The following SCP2 variants were observed in gnomAD, a reference collection of about 807,000 sequenced individuals.
SCP2 encodes SCP-2/3-oxoacyl-CoA thiolase.
Under a neutral mutation model 71.4 loss-of-function variants are expected in SCP2, and 48 were observed. The ratio of observed to expected loss-of-function variants is 0.67; its 90% confidence interval spans 0.53 to 0.86. SCP2 has a LOEUF of 0.86. Ranked by LOEUF, SCP2 falls within the 40% of genes least tolerant of loss-of-function variation. The pLI is 0.00. For missense variants in SCP2, 560 were observed against 655.6 expected (o/e 0.85, Z 1.59); for synonymous variants, 220 against 218.1 (o/e 1.01, Z -0.08).
chr1:53,021,118 C>T (rs1356509789), intron 12 of SCP2, among the ~76,000 whole-genome samples: 1 of 151,910 alleles, frequency 6.6e-6, no homozygotes, highest in East Asian at 1.9e-4. Flanking sequence ...ATAATCTTCC[C>T]ACCTCAGCCT....
chr1:52,950,910 C>T, intron 4 of SCP2, 24 bp downstream of exon 4: 3 of 1,608,724 alleles, frequency 1.9e-6, no homozygotes, highest in Non-Finnish European at 2.6e-6. Context: ...GTCTAGTGTA[C>T]TTAAATATTG....
intron 14 of SCP2, among the ~76,000 whole-genome samples, chr1:53,043,962 G>C (rs761490688): frequency 2.0e-5 from 3 of 152,094 alleles, no homozygotes; most frequent in Non-Finnish European, 4.4e-5. Flanking sequence ...CTTTTTAGGG[G>C]CGATCCCTGA....
rs1335859176 is a variant in SCP2, at chr1:53,051,437, G to A, written c.*733G>A. On this transcript the variant is annotated 3_prime_UTR_variant, in exon 16 of 16. Coordinates refer to ENST00000371514, the MANE Select transcript of SCP2 (RefSeq NM_002979.5). ...TTATAATCTCATTTCAATTTATAAC[G>A]TTCTCAGTCCTTTGTTATAATTTTC... is the stretch of plus-strand genomic sequence containing the variant. 3.9e-5 allele frequency: 6 copies of A among 152,020 alleles called. No homozygotes were observed. The highest frequency in any genetic ancestry group is 7.2e-5 in the African/African-American group (3 of 41,388). 9.4% of individuals were successfully genotyped at this position (152,020 alleles called of 1,614,324 possible). A position where few individuals can be genotyped will look rare whatever the true frequency, so the allele number is the denominator to read the frequency against.
intron 11 of SCP2, among the ~76,000 whole-genome samples, chr1:53,003,359 C>A (rs1429800314): frequency 1.3e-5 from 2 of 152,314 alleles, no homozygotes; most frequent in East Asian, 3.9e-4. Context: ...GTTGGGACTG[C>A]AGGCACGCAC....
At chr1:53,009,275 A>T (rs1019965767) in intron 11 of SCP2, among the ~76,000 whole-genome samples, 1 of 152,200 alleles carries the variant, frequency 6.6e-6, no homozygotes, top group African/African-American at 2.4e-5. Flanking sequence ...GGAAAAAACT[A>T]CTTTAAAGTT....
At chr1:53,021,608 C>T (rs1440766220) in intron 12 of SCP2, among the ~76,000 whole-genome samples, 1 of 151,104 alleles carries the variant, frequency 6.6e-6, no homozygotes, top group African/African-American at 2.4e-5. Flanking sequence ...GCATGAGCCA[C>T]CGAGCTCGGG....
Position 52,980,455 on chromosome 1 carries a change from A to G in SCP2, c.885A>G (p.Thr295=), listed in dbSNP as rs1233332262. ...AATGCTATGAGAAATCTGGCCTGAC[A>G]CCAAATGATATTGACGTAATAGAAC... ...ARKCYEKSGL[T]PNDIDVIELH... The change falls in exon 10 of 16, where the codon ACA becomes ACG. Residue 295 remains threonine (T), a synonymous_variant. Transcript: ENST00000371514. The G allele has an allele frequency of 2.5e-6, 4 of 1,614,054 alleles. No individual in the cohort carries two copies. The highest frequency in any genetic ancestry group is 1.1e-5 in the South Asian group (1 of 91,084).
intron 4 of SCP2, among the ~76,000 whole-genome samples, chr1:52,954,100 C>T (rs904931559): frequency 6.6e-6 from 1 of 151,810 alleles, no homozygotes; most frequent in Non-Finnish European, 1.5e-5. Context: ...CGCTTGAGCC[C>T]AGGAGTTCAA....
chr1:53,010,162 A>C (rs1660890753), intron 11 of SCP2, among the ~76,000 whole-genome samples: 1 of 152,218 alleles, frequency 6.6e-6, no homozygotes, highest in African/African-American at 2.4e-5. Context: ...AACTAGGAAC[A>C]CTTTTACACT....
At chr1:52,943,723 C>T (rs892173663) in intron 2 of SCP2, 47 of 456,306 alleles carry the variant, frequency 1.0e-4, no homozygotes, top group South Asian at 5.1e-5. Context: ...TTTGTTGCAC[C>T]AGACGCTGGA....
At chr1:52,992,982 A>G (rs1161282479) in intron 11 of SCP2, among the ~76,000 whole-genome samples, 1 of 152,222 alleles carries the variant, frequency 6.6e-6, no homozygotes, top group East Asian at 1.9e-4. Flanking sequence ...AAGGAATCAG[A>G]TAATCTTTGA....
Position 53,015,038 on chromosome 1 carries a change from C to T in SCP2, c.1230C>T (p.Ala410=), listed in dbSNP as rs565333584. The stretch of plus-strand genomic sequence containing the variant: ...TCTACAAGATGGGTTTTCCGGAAGC[C>T]GCCAGGTGAGTGACATTCAGAGTTT... ...VTLYKMGFPE[A]ASSFRTHQIE... is the part of the protein sequence containing the mutation. The change falls in exon 12 of 16, where the codon GCC becomes GCT. Residue 410 remains alanine (A), a synonymous_variant. Coordinates refer to ENST00000371514, the MANE Select transcript of SCP2 (RefSeq NM_002979.5). 7.1e-5 allele frequency: 114 copies of T among 1,614,030 alleles called. 2 individuals are homozygous for T. In the South Asian group the frequency reaches 1.2e-3, roughly 17 times the overall value.
intron 10 of SCP2, among the ~76,000 whole-genome samples, chr1:52,986,639 C>T (rs949799983): frequency 6.6e-6 from 1 of 152,176 alleles, no homozygotes; most frequent in African/African-American, 2.4e-5. Flanking sequence ...TCCTAGATCT[C>T]TTGCTGTTGC....
chr1:52,927,342 T>G lies in SCP2; in HGVS notation c.-55T>G, dbSNP rs915526566. The G allele has an allele frequency of 4.8e-6, 7 of 1,446,046 alleles. No homozygotes were observed. The African/African-American group carries it at 9.8e-5, about 20-fold the overall frequency. The allele number at this position is 1,446,046 out of a possible 1,614,324, so 89.6% of individuals were successfully genotyped here. A position where few individuals can be genotyped will look rare whatever the true frequency, so the allele number is the denominator to read the frequency against. On this transcript the variant is annotated 5_prime_UTR_variant, in exon 1 of 16. Transcript: ENST00000371514. ...AGGGAGCTCTGGTGCAGTCTCCGCCTGTCAGTGCCGGCAGTCGTCCGCGGC... is the reference window on the plus strand; with the variant it reads ...AGGGAGCTCTGGTGCAGTCTCCGCCGGTCAGTGCCGGCAGTCGTCCGCGGC...
intron 11 of SCP2, among the ~76,000 whole-genome samples, chr1:52,989,450 C>T (rs1659279035): frequency 6.6e-6 from 1 of 152,240 alleles, no homozygotes; most frequent in Non-Finnish European, 1.5e-5. Flanking sequence ...CCTGCCTTAA[C>T]ACCTCCCTCT....
chr1:52,966,257 T>C (rs1210231521), intron 6 of SCP2, among the ~76,000 whole-genome samples: 6 of 152,074 alleles, frequency 3.9e-5, no homozygotes, highest in Non-Finnish European at 8.8e-5. Flanking sequence ...ATATCTATTA[T>C]ATGTTGAAAA....
At position 53,009,073 on chromosome 1, in the gene SCP2, T is replaced by C. The variant is rs546948299; in HGVS notation, c.1082-5817T>C. Among the ~76,000 whole-genome samples the C allele has an allele frequency of 2.6e-5, 4 of 152,260 alleles. No individual in the cohort carries two copies. The East Asian group carries it at 5.8e-4, about 22-fold the overall frequency. On this transcript the variant is annotated intron_variant, in intron 11 of 15. Transcript: ENST00000371514. ...ACCTAGGAATCCAACTTACAAGGGA[T>C]GTGAAGGACCCCTTCAAGGAGAACT...
chr1:53,025,032 C>T (rs549092165), intron 12 of SCP2, among the ~76,000 whole-genome samples: 5 of 152,228 alleles, frequency 3.3e-5, no homozygotes, highest in African/African-American at 9.6e-5. Context: ...AAAAGAGCCA[C>T]GCTGTGTCTA....
At chr1:53,028,177 G>A in intron 13 of SCP2, 106 bp downstream of exon 13, 1 of 688,900 alleles carries the variant, frequency 1.5e-6, no homozygotes, top group South Asian at 1.5e-5. Flanking sequence ...TTTATATCAT[G>A]TTGTCAAGTA....
Sources: allele counts gnomAD v4.1 joint callset (sites outside exome capture counted in the v4.1 genomes callset), GRCh38; gene constraint gnomAD v4.1.1; transcripts MANE v1.5; gene names NCBI Gene and HGNC (gene_info 2026-07-23, HGNC 2026-07-21).